Variants in PREX2 observed in about 807,000 individuals in gnomAD.
PREX2 encodes the protein phosphatidylinositol 3,4,5-trisphosphate-dependent Rac exchanger 2 protein.
PREX2 carries 107 observed loss-of-function variants against 203.2 expected under a neutral mutation model. That is an observed-to-expected ratio of 0.53 (90% CI 0.45 to 0.62). The LOEUF (loss-of-function observed/expected upper bound fraction) is 0.62, where lower values mean the gene tolerates loss of function less well. Ranked by LOEUF, PREX2 falls within the 20% of genes least tolerant of loss-of-function variation. The probability of loss-of-function intolerance (pLI) is 0.00; values close to 1 mark genes in which losing one functional copy is unlikely to be tolerated. For missense variants in PREX2, 1,777 were observed against 1,955.9 expected, an observed-to-expected ratio of 0.91 and a Z score of 1.72; for synonymous variants, 672 against 663.6, an observed-to-expected ratio of 1.01 and a Z score of -0.19.
At chr8:68,169,960 T>C (rs1309797489) in intron 35 of PREX2, among the ~76,000 whole-genome samples, 2 of 152,134 alleles carry the variant, frequency 1.3e-5, no homozygotes, top group Non-Finnish European at 2.9e-5. Context: ...GAAGAAAATA[T>C]AAAACAAGCT....
At position 68,134,366 on chromosome 8, in the gene PREX2, G is replaced by T. The variant is rs377725829; in HGVS notation, c.3984+90G>T. On this transcript the variant is annotated intron_variant, in intron 32 of 39. Coordinates refer to ENST00000288368, the MANE Select transcript of PREX2 (RefSeq NM_024870.4). ...AATAAGAAGTAGTTATTTCTTTCCC[G>T]CTGGTTATCTCTATGAATGTGCGTG... 529 of 1,044,092 alleles carry T rather than the reference G, an allele frequency of 5.1e-4. 1 individual carries two copies. The highest frequency in any genetic ancestry group is 8.0e-4 in the Admixed American group (41 of 51,204). The allele number at this position is 1,044,092 out of a possible 1,614,324, so 64.7% of individuals were successfully genotyped here. A position where few individuals can be genotyped will look rare whatever the true frequency, so the allele number is the denominator to read the frequency against.
At chr8:68,154,175 C>G (rs1267809149) in intron 34 of PREX2, among the ~76,000 whole-genome samples, 1 of 152,206 alleles carries the variant, frequency 6.6e-6, no homozygotes, top group Non-Finnish European at 1.5e-5. Flanking sequence ...ATGGACCCTT[C>G]TCTTAGTCCT....
At chr8:68,061,355 G>A (rs6993364) in intron 11 of PREX2, among the ~76,000 whole-genome samples, 90,980 of 152,024 alleles carry the variant, frequency 0.6, 29,089 homozygotes, top group African/African-American at 0.84. Context: ...CTTATTCCGA[G>A]GGGGGCCAGG....
chr8:68,147,604 C>A (rs574133069), intron 34 of PREX2, among the ~76,000 whole-genome samples: 29 of 152,210 alleles, frequency 1.9e-4, no homozygotes, highest in Non-Finnish European at 1.5e-5. Flanking sequence ...AGACCTCTTT[C>A]TTTTGTAAAT....
intron 13 of PREX2, 40 bp downstream of exon 13, chr8:68,069,924 A>T (rs745683664): frequency 1.2e-4 from 141 of 1,159,296 alleles, no homozygotes; most frequent in Non-Finnish European, 1.7e-4. Flanking sequence ...TTAAATGGAA[A>T]TATTTGTACT....
chr8:68,184,927 A>G (rs1431783119), intron 35 of PREX2, among the ~76,000 whole-genome samples: 2 of 152,204 alleles, frequency 1.3e-5, no homozygotes, highest in Non-Finnish European at 2.9e-5. Flanking sequence ...CTATTGAGCT[A>G]GGATTCTCAT....
intron 1 of PREX2, among the ~76,000 whole-genome samples, chr8:68,014,811 G>T (rs1807367623): frequency 6.6e-6 from 1 of 152,090 alleles, no homozygotes; most frequent in South Asian, 2.1e-4. Flanking sequence ...ATGATCTCTG[G>T]ACCAACTACA....
intron 35 of PREX2, among the ~76,000 whole-genome samples, chr8:68,182,739 CT>C (rs1812109428): frequency 6.6e-6 from 1 of 151,772 alleles, no homozygotes; most frequent in Non-Finnish European, 1.5e-5. Context: ...CACTCATTGC[CT>C]TGCATTATGG....
chr8:67,972,389 T>G (rs1422666990), intron 1 of PREX2, among the ~76,000 whole-genome samples: 1 of 152,258 alleles, frequency 6.6e-6, no homozygotes, highest in Non-Finnish European at 1.5e-5. Context: ...CATTGCCTCT[T>G]GCAGCTCCTG....
At chr8:68,116,006 G>A (rs1810650959) in intron 26 of PREX2, 74 bp downstream of exon 26, 2 of 1,352,342 alleles carry the variant, frequency 1.5e-6, no homozygotes, top group South Asian at 3.0e-5. Flanking sequence ...CAAAGATCTT[G>A]AAAAAAGTTT....
intron 18 of PREX2, 126 bp from the exon 19 acceptor site, chr8:68,087,598 C>G (rs1464641446): frequency 2.7e-6 from 2 of 752,904 alleles, no homozygotes; most frequent in Non-Finnish European, 4.7e-6. Flanking sequence ...GATTTCTAGC[C>G]CAACATCTTT....
Position 68,015,526 on chromosome 8 carries a change from C to T in PREX2, c.142-2320C>T, listed in dbSNP as rs566393147. ...ATATTTTGATGCATTGTTACTACTT[C>T]CTCACTTTAATTTATCCATTTCAGA... On this transcript the variant is annotated intron_variant, in intron 1 of 39. Transcript: ENST00000288368. Among the ~76,000 whole-genome samples the T allele has an allele frequency of 2.0e-5, 3 of 152,288 alleles. No individual in the cohort carries two copies. The South Asian group carries it at 6.2e-4, about 32-fold the overall frequency.
chr8:67,991,431 A>G, intron 1 of PREX2, among the ~76,000 whole-genome samples: 1 of 152,156 alleles, frequency 6.6e-6, no homozygotes, highest in East Asian at 1.9e-4. Context: ...TAATTGACTC[A>G]CAGTTCAGCA....
chr8:68,012,801 G>A (rs1807303112), intron 1 of PREX2, among the ~76,000 whole-genome samples: 1 of 152,150 alleles, frequency 6.6e-6, no homozygotes, highest in Non-Finnish European at 1.5e-5. Context: ...CATTGTATCC[G>A]AGTGGGAAAG....
At chr8:68,183,314 A>G (rs1812122181) in intron 35 of PREX2, among the ~76,000 whole-genome samples, 1 of 152,186 alleles carries the variant, frequency 6.6e-6, no homozygotes, top group Non-Finnish European at 1.5e-5. Flanking sequence ...CTAAAAAGTT[A>G]TTCTTTGGTA....
chr8:67,979,346 C>T (rs112955258), intron 1 of PREX2, among the ~76,000 whole-genome samples: 2,742 of 152,284 alleles, frequency 0.018, 81 homozygotes, highest in African/African-American at 0.055. Flanking sequence ...ATTTTCTTCA[C>T]ATCTAATCAA....
chr8:68,150,664 A>G (rs1344466303), intron 34 of PREX2, among the ~76,000 whole-genome samples: 5 of 152,084 alleles, frequency 3.3e-5, no homozygotes, highest in African/African-American at 1.2e-4. Context: ...GTGGCGATTG[A>G]TCTTCTTGGC....
chr8:68,111,379 CTT>C (rs1399022465), intron 25 of PREX2, among the ~76,000 whole-genome samples: 2 of 151,462 alleles, frequency 1.3e-5, no homozygotes, highest in African/African-American at 4.9e-5. Context: ...CAGACTTTGT[CTT>C]TGTTAATTTA....
At chr8:68,217,757 G>A (rs769969001) in intron 38 of PREX2, 39 bp downstream of exon 38, 1 of 1,439,880 alleles carries the variant, frequency 6.9e-7, no homozygotes, top group Non-Finnish European at 9.7e-7. Context: ...TGTTTTGTAG[G>A]CCCTGGACTT....
Sources: gnomAD v4.1 joint callset for allele counts (sites outside exome capture counted in the v4.1 genomes callset) on GRCh38, gnomAD v4.1.1 for gene constraint, MANE v1.5 for transcripts, NCBI Gene and HGNC (gene_info 2026-07-23, HGNC 2026-07-21) for gene names.